The following PSCA variants were observed in gnomAD, a reference collection of about 807,000 sequenced individuals.
PSCA encodes prostate stem cell antigen.
Under a neutral mutation model 7.9 loss-of-function variants are expected in PSCA, and 7 were observed. The observed-to-expected ratio is 0.89, with a 90% CI of 0.51 to 1.67. The LOEUF (loss-of-function observed/expected upper bound fraction) is 1.67. Among genes scored for constraint, PSCA ranks in the 40% most tolerant of loss-of-function variants. The probability of loss-of-function intolerance (pLI) is 0.00; values close to 1 mark genes in which losing one functional copy is unlikely to be tolerated. For synonymous variants in PSCA, 61 were observed against 68.3 expected, an observed-to-expected ratio of 0.89 and a Z score of 0.53; for missense variants, 151 against 147.9, an observed-to-expected ratio of 1.02 and a Z score of -0.11.
Position 142,673,652 on chromosome 8 carries a change from G to A in PSCA, n.261+3084G>A, listed in dbSNP as rs1174525180. Among the ~76,000 whole-genome samples the A allele has an allele frequency of 6.6e-6, 1 of 152,204 alleles. No homozygotes were observed. Among genetic ancestry groups the A allele is most frequent in the African/African-American group, 2.4e-5 (1 of 41,448 alleles). ...AGGGTTTTTCAAGGAGAGTCTGGTG[G>A]GCCAGGGAATGGGTGCTGCTGGTTG... On this transcript the variant is annotated intron_variant and non_coding_transcript_variant, in intron 1 of 1. Transcript: ENST00000505305. This position sits in a 1 kb window ranked among gnomAD's most constrained non-coding sequence, Gnocchi z 4.6.
At chr8:142,671,900 A>G (rs1587541448) in intron 1 of PSCA, among the ~76,000 whole-genome samples, 1 of 150,192 alleles carries the variant, frequency 6.7e-6, no homozygotes, top group African/African-American at 2.5e-5. Context: ...TCTCTTCCTC[A>G]CCCTCCCTTG....
chr8:142,674,505 G>A (rs1847374461), intron 1 of PSCA, among the ~76,000 whole-genome samples: 1 of 152,246 alleles, frequency 6.6e-6, no homozygotes, highest in Non-Finnish European at 1.5e-5. Context: ...GCTTTACAAA[G>A]ATGGCTGAGT....
chr8:142,681,841 T>G (rs1587547946), intron 2 of PSCA, 80 bp from the exon 3 acceptor site: 3 of 1,002,290 alleles, frequency 3.0e-6, no homozygotes, highest in South Asian at 1.6e-5. Flanking sequence ...TTAGGCAGGG[T>G]GGGACAGGAG....
At chr8:142,680,398 C>T (rs1847447849), upstream of PSCA, 1 of 963,734 alleles carries the variant, frequency 1.0e-6, no homozygotes, top group Non-Finnish European at 1.6e-6. Flanking sequence ...AGCCCCGGGG[C>T]CCTCACTGGC....
Position 142,673,779 on chromosome 8 carries a change from C to G in PSCA, n.261+3211C>G, listed in dbSNP as rs1158490804. ...GGTGGGCCTCGCTAGAGCCATCCAT[C>G]AGTCATTAGACGTGCAAAAACCTGA... On this transcript the variant is annotated intron_variant and non_coding_transcript_variant, in intron 1 of 1. Coordinates refer to the PSCA transcript ENST00000505305. The surrounding 1 kb of genome is among the most constrained non-coding windows in gnomAD (Gnocchi z 4.6). Among the ~76,000 whole-genome samples the G allele has an allele frequency of 6.6e-6, 1 of 152,216 alleles. No individual in the cohort carries two copies. The highest frequency in any genetic ancestry group is 2.1e-4 in the South Asian group (1 of 4,832).
At chr8:142,677,236 G>A (rs371560444), upstream of PSCA, among the ~76,000 whole-genome samples, 68 of 152,306 alleles carry the variant, frequency 4.5e-4, no homozygotes, top group Middle Eastern at 3.4e-3. Flanking sequence ...ATGGTCTTCC[G>A]TATAGGAGCC....
chr8:142,674,399 A>G (rs1554637651), intron 1 of PSCA, among the ~76,000 whole-genome samples: 2 of 149,930 alleles, frequency 1.3e-5, no homozygotes. Flanking sequence ...CAGATCCCCC[A>G]TCTTCCTAAT....
chr8:142,672,497 C>T (rs1847344900), intron 1 of PSCA, among the ~76,000 whole-genome samples: 1 of 152,226 alleles, frequency 6.6e-6, no homozygotes, highest in African/African-American at 2.4e-5. Flanking sequence ...AGGCACATGG[C>T]AGGACTGGAA....
In PSCA at chr8:142,681,524, T is replaced by G. The variant is rs981838010; in HGVS notation, c.133+90T>G. 2.7e-5 allele frequency: 33 copies of G among 1,222,938 alleles called. No individual in the cohort carries two copies. In the East Asian group the frequency reaches 8.4e-4, roughly 31 times the overall value. The allele number at this position is 1,222,938 out of a possible 1,614,324, so 75.8% of individuals were successfully genotyped here. On this transcript the variant is annotated intron_variant, in intron 2 of 2. Coordinates refer to ENST00000301258, the MANE Select transcript of PSCA (RefSeq NM_005672.5). ...CATCTGTCCGCATCTGTGTGCTGTT[T>G]TCCTTCCACCTGTCCCCGACCCGTC...
Position 142,682,469 on chromosome 8 carries a change from C to A in PSCA, c.*337C>A, listed in dbSNP as rs1045565. ...AGGAAGCCTTCCCTGCCCACCCCAT[C>A]TATGACTTGAGCCAGGTCTGGTCCG... On this transcript the variant is annotated 3_prime_UTR_variant, in exon 3 of 3. Coordinates refer to ENST00000301258, the MANE Select transcript of PSCA (RefSeq NM_005672.5). 1.7e-6 allele frequency: 1 copy of A among 592,282 alleles called. No homozygotes were observed. The highest frequency in any genetic ancestry group is 1.8e-5 in the African/African-American group (1 of 54,974). The allele number at this position is 592,282 out of a possible 1,614,324, so 36.7% of individuals were successfully genotyped here. A position where few individuals can be genotyped will look rare whatever the true frequency, so the allele number is the denominator to read the frequency against.
chr8:142,678,348 G>A (rs587651656), upstream of PSCA, among the ~76,000 whole-genome samples: 6 of 152,326 alleles, frequency 3.9e-5, no homozygotes, highest in South Asian at 6.2e-4. Context: ...GCAGGGCCAC[G>A]GACCACAGTG....
At chr8:142,678,272 A>G (rs1847420911), upstream of PSCA, among the ~76,000 whole-genome samples, 2 of 152,162 alleles carry the variant, frequency 1.3e-5, no homozygotes, top group Non-Finnish European at 2.9e-5. Flanking sequence ...GACAACCATC[A>G]GCGGGGACGA....
At chr8:142,672,278 C>CCCT (rs369663281) in intron 1 of PSCA, among the ~76,000 whole-genome samples, 4 of 152,102 alleles carry the variant, frequency 2.6e-5, no homozygotes, top group Admixed American at 2.0e-4. Flanking sequence ...ACTGCCCTCC[C>CCCT]CAATCCACAC....
Position 142,673,807 on chromosome 8 carries a change from C to T in PSCA, n.261+3239C>T, listed in dbSNP as rs782814976. 3.9e-5 allele frequency among the ~76,000 whole-genome samples: 6 copies of T among 152,220 alleles called. No individual in the cohort carries two copies. The highest frequency in any genetic ancestry group is 2.6e-4 in the Admixed American group (4 of 15,284). ...TCATTAGACGTGCAAAAACCTGAAA[C>T]GACATCTCACAAGGCCAATCTTAGG... On this transcript the variant is annotated intron_variant and non_coding_transcript_variant, in intron 1 of 1. Transcript: ENST00000505305. This position sits in a 1 kb window ranked among gnomAD's most constrained non-coding sequence, Gnocchi z 4.6.
intron 1 of PSCA, among the ~76,000 whole-genome samples, chr8:142,674,111 A>G (rs1486744851): frequency 2.1e-5 from 3 of 143,926 alleles, no homozygotes; most frequent in Non-Finnish European, 4.5e-5. Context: ...GAATCGTTTC[A>G]GTCTAACCTC....
In PSCA at chr8:142,673,583, G is replaced by A. The variant is rs1554637539; in HGVS notation, n.261+3015G>A. ...AGAGCCAGCTGAACGGGAGACCAGA[G>A]TTTTATCATCACTCAAATCAGCCTC... On this transcript the variant is annotated intron_variant and non_coding_transcript_variant, in intron 1 of 1. Transcript: ENST00000505305. The surrounding 1 kb of genome is among the most constrained non-coding windows in gnomAD (Gnocchi z 4.6). Among the ~76,000 whole-genome samples, 1 of 152,232 alleles carries A rather than the reference G, an allele frequency of 6.6e-6. No individual in the cohort carries two copies. The highest frequency in any genetic ancestry group is 1.9e-4 in the East Asian group (1 of 5,204).
At chr8:142,677,873 C>T (rs1364750826), upstream of PSCA, among the ~76,000 whole-genome samples, 6 of 152,130 alleles carry the variant, frequency 3.9e-5, no homozygotes, top group Admixed American at 3.9e-4. Flanking sequence ...TGGAAAAGAG[C>T]CCAACCCAGT....
At chr8:142,678,973 A>G (rs950818778), upstream of PSCA, among the ~76,000 whole-genome samples, 4 of 151,274 alleles carry the variant, frequency 2.6e-5, no homozygotes, top group African/African-American at 9.8e-5. Context: ...GCTGACTGGC[A>G]TGAGAGCTTG....
In PSCA at chr8:142,681,406, G is replaced by C. The variant is rs782728890; in HGVS notation, c.105G>C (p.Leu35=). The C allele has an allele frequency of 2.6e-5, 42 of 1,593,410 alleles. No homozygotes were observed. The highest frequency in any genetic ancestry group is 3.3e-5 in the Non-Finnish European group (39 of 1,170,332). The stretch of plus-strand genomic sequence containing the variant: ...TGCAGGTGGAGAACTGCACCCAGCT[G>C]GGGGAGCAGTGCTGGACCGCGCGCA... ...DCLQVENCTQ[L]GEQCWTARIR... The change falls in exon 2 of 3, where the codon CTG becomes CTC. Residue 35 remains leucine, a synonymous_variant. Transcript: ENST00000301258.
Sources: allele counts gnomAD v4.1 joint callset (sites outside exome capture counted in the v4.1 genomes callset), GRCh38; gene constraint gnomAD v4.1.1; non-coding constraint Gnocchi (gnomAD v3.1); transcripts MANE v1.5; gene names NCBI Gene and HGNC (gene_info 2026-07-23, HGNC 2026-07-21).